RMND5A: variants seen among roughly 807,000 people sequenced by gnomAD.
RMND5A encodes required for meiotic nuclear division 5 homolog A.
In RMND5A, 17 loss-of-function variants were observed where a neutral mutation model predicts 49.7. That is an observed-to-expected ratio of 0.34 (90% confidence interval 0.23 to 0.51). The LOEUF (loss-of-function observed/expected upper bound fraction) is 0.51, where lower values mean the gene tolerates loss of function less well. Among genes scored for constraint, RMND5A ranks in the 20% least tolerant of loss-of-function variants. RMND5A has a pLI of 0.96. For missense variants in RMND5A, 255 were observed against 471.3 expected, an observed-to-expected ratio of 0.54 and a Z score of 4.25; for synonymous variants, 156 against 167.7, an observed-to-expected ratio of 0.93 and a Z score of 0.54.
At chr2:86,768,228 A>G (rs1048781011) in intron 6 of RMND5A, among the ~76,000 whole-genome samples, 1 of 152,254 alleles carries the variant, frequency 6.6e-6, no homozygotes, top group Non-Finnish European at 1.5e-5. Flanking sequence ...TCCTGAAACC[A>G]AAACATTTTA....
At chr2:86,755,765 A>G (rs1364964748) in intron 4 of RMND5A, among the ~76,000 whole-genome samples, 1 of 152,218 alleles carries the variant, frequency 6.6e-6, no homozygotes, top group Non-Finnish European at 1.5e-5. Context: ...GCCTTAAAAC[A>G]ATTCCTCTCA....
Position 86,720,738 on chromosome 2 carries a change from T to C in RMND5A, c.71T>C (p.Leu24Pro). The C allele has an allele frequency of 6.3e-7, 1 of 1,591,292 alleles. No individual in the cohort carries two copies. Among genetic ancestry groups the C allele is most frequent in the Non-Finnish European group, 8.5e-7 (1 of 1,169,814 alleles). The part of the protein sequence containing the change: ...VLHKFSGYGQ[L>P]CERGLEELID... ...CACAAGTTCTCAGGCTACGGGCAGC[T>C]GTGCGAGCGCGGCCTGGAGGAGCTC... Residue 24 changes from leucine to proline, a missense_variant, in exon 1 of 9, where the codon CTG (leucine) becomes CCG (proline). Physicochemically the swap from Leu to Pro is moderately conservative, Grantham distance 98. Coordinates refer to ENST00000283632, the MANE Select transcript of RMND5A (RefSeq NM_022780.4).
Position 86,756,172 on chromosome 2 carries a change from G to A in RMND5A, c.521+2614G>A, listed in dbSNP as rs1316297962. ...TTTGGGAAGCTGAGGTGGGCAGATC[G>A]CTTGAGCCCAGGAGTTCGAGACCAG... On this transcript the variant is annotated intron_variant, in intron 4 of 8. Transcript: ENST00000283632. Among the ~76,000 whole-genome samples, 4 of 152,020 alleles carry A rather than the reference G, an allele frequency of 2.6e-5. No homozygotes were observed. In the South Asian group the frequency reaches 8.3e-4, roughly 32 times the overall value.
At chr2:86,735,143 T>C (rs1441112780) in intron 1 of RMND5A, among the ~76,000 whole-genome samples, 6 of 152,154 alleles carry the variant, frequency 3.9e-5, no homozygotes, top group Non-Finnish European at 5.9e-5. Context: ...GGAGGTTTGG[T>C]TTCTTACCAG....
chr2:86,760,974 G>GTT (rs1672477747), intron 4 of RMND5A, among the ~76,000 whole-genome samples: 1 of 145,694 alleles, frequency 6.9e-6, no homozygotes, highest in African/African-American at 2.5e-5. Context: ...AAGTGTGTGT[G>GTT]TGTGTGTGTG....
intron 2 of RMND5A, among the ~76,000 whole-genome samples, chr2:86,743,976 T>TC (rs1238033389): frequency 7.1e-6 from 1 of 140,580 alleles, no homozygotes; most frequent in Non-Finnish European, 1.5e-5. Flanking sequence ...AGACTCCATC[T>TC]CAAAAAAAAA....
At chr2:86,766,759 G>C (rs995942941) in intron 6 of RMND5A, among the ~76,000 whole-genome samples, 10 of 151,940 alleles carry the variant, frequency 6.6e-5, no homozygotes, top group Admixed American at 5.2e-4. Flanking sequence ...AGGCTGAGGT[G>C]GGGGGAATCT....
At chr2:86,765,724 A>G (rs1265973352) in intron 5 of RMND5A, 135 bp from the exon 6 acceptor site, 1 of 691,176 alleles carries the variant, frequency 1.4e-6, no homozygotes, top group Non-Finnish European at 2.4e-6. Flanking sequence ...GAAGAAACCA[A>G]GCTTAAGGAC....
At chr2:86,754,336 G>C (rs1005092414) in intron 4 of RMND5A, among the ~76,000 whole-genome samples, 2 of 152,188 alleles carry the variant, frequency 1.3e-5, no homozygotes, top group African/African-American at 4.8e-5. Context: ...CAGGTTATTT[G>C]TAATAAATAG....
intron 4 of RMND5A, among the ~76,000 whole-genome samples, chr2:86,760,022 C>T (rs538031696): frequency 6.6e-6 from 1 of 152,090 alleles, no homozygotes; most frequent in Non-Finnish European, 1.5e-5. Flanking sequence ...CCACTGAGAT[C>T]TCTGTGTCCT....
At chr2:86,755,928 C>T (rs570735587) in intron 4 of RMND5A, among the ~76,000 whole-genome samples, 3 of 152,074 alleles carry the variant, frequency 2.0e-5, no homozygotes, top group South Asian at 4.1e-4. Context: ...AAGCATTTTA[C>T]GTGTCTTAAC....
intron 1 of RMND5A, among the ~76,000 whole-genome samples, chr2:86,736,346 G>C (rs1483334923): frequency 1.7e-5 from 2 of 116,740 alleles, no homozygotes; most frequent in East Asian, 3.0e-4. Context: ...ACCACCCCCT[G>C]CTAATTTTTG....
intron 1 of RMND5A, among the ~76,000 whole-genome samples, chr2:86,729,537 G>A (rs796906194): frequency 0.024 from 2,578 of 109,436 alleles, 1 homozygote; most frequent in African/African-American, 0.074. Flanking sequence ...TGTAATGCAC[G>A]GTTATGTATC....
rs934825931 is a variant in RMND5A at position 86,758,356 on chromosome 2, A to G, written c.521+4798A>G. 9.9e-5 allele frequency among the ~76,000 whole-genome samples: 15 copies of G among 152,010 alleles called. 1 individual carries two copies. The highest frequency in any genetic ancestry group is 7.9e-4 in the Admixed American group (12 of 15,278). On this transcript the variant is annotated intron_variant, in intron 4 of 8. Transcript: ENST00000283632. ...GAAGTATTTGCCTATATCAGAGCAT[A>G]TAGAACTATTTTTTTTTTTTGGTGG...
chr2:86,753,328 A>G (rs1310127719), intron 3 of RMND5A, 130 bp from the exon 4 acceptor site: 2 of 558,786 alleles, frequency 3.6e-6, no homozygotes, highest in Non-Finnish European at 6.3e-6. Context: ...GGGGGCAGTC[A>G]TCAGTCTCTA....
At position 86,765,169 on chromosome 2, in the gene RMND5A, C is replaced by T. The variant is rs1672569649; in HGVS notation, c.664C>T (p.Pro222Ser). ...ATTACAATATGCTAAAAATTTTCAG[C>T]CATTTGCCCTAAATCATCAAAAAGG... ...EALQYAKNFQPFALNHQKDIQ... is the reference protein window; with the variant it reads ...EALQYAKNFQSFALNHQKDIQ... The change falls in exon 5 of 9, where the codon CCA becomes TCA. Residue 222 changes from proline (P) to serine (S), a missense_variant. By Grantham distance (74) the Pro-to-Ser change is moderately conservative. This residue lies in a region of RMND5A where 208 missense variants were observed against 339.8 expected (regional missense o/e 0.61). Coordinates refer to ENST00000283632, the MANE Select transcript of RMND5A (RefSeq NM_022780.4). 2 of 1,612,316 alleles carry T rather than the reference C, an allele frequency of 1.2e-6. No individual in the cohort carries two copies. Among genetic ancestry groups the T allele is most frequent in the Admixed American group, 3.4e-5 (2 of 59,570 alleles).
chr2:86,751,760 T>C, intron 2 of RMND5A, 136 bp from the exon 3 acceptor site: 1 of 647,264 alleles, frequency 1.5e-6, no homozygotes, highest in Non-Finnish European at 2.5e-6. Context: ...GTGGAAAAAT[T>C]CCTTCCTTTG....
chr2:86,773,683 A>G lies in RMND5A; in HGVS notation c.*272A>G, dbSNP rs761115400. On this transcript the variant is annotated 3_prime_UTR_variant, in exon 9 of 9. Transcript: ENST00000283632. ...AATGCAGGTTTTTGTACTTAATTATATGGTGATTTTTTTACTTTTTAAGAG... is the reference window on the plus strand; with the variant it reads ...AATGCAGGTTTTTGTACTTAATTATGTGGTGATTTTTTTACTTTTTAAGAG... The G allele has an allele frequency of 4.1e-4, 111 of 269,186 alleles. No homozygotes were observed. The highest frequency in any genetic ancestry group is 1.3e-4 in the Non-Finnish European group (19 of 144,468). 16.7% of individuals were successfully genotyped at this position (269,186 alleles called of 1,614,324 possible). A position where few individuals can be genotyped will look rare whatever the true frequency, so the allele number is the denominator to read the frequency against.
chr2:86,774,434 G>GT lies in RMND5A; in HGVS notation c.*1028dup, dbSNP rs1385418586. 2.0e-5 allele frequency: 3 copies of GT among 152,626 alleles called. No individual in the cohort carries two copies. In the East Asian group the frequency reaches 5.8e-4, roughly 29 times the overall value. 9.5% of individuals were successfully genotyped at this position (152,626 alleles called of 1,614,324 possible). A position where few individuals can be genotyped will look rare whatever the true frequency, so the allele number is the denominator to read the frequency against. ...TCTGTAGTGCAGAACGTTTATTGCT[G>GT]TTTTTGTGTTTGAATAGTATAATGT... On this transcript the variant is annotated 3_prime_UTR_variant, in exon 9 of 9. Coordinates refer to ENST00000283632, the MANE Select transcript of RMND5A (RefSeq NM_022780.4).
Sources: gnomAD v4.1 joint callset for allele counts (sites outside exome capture counted in the v4.1 genomes callset) on GRCh38, gnomAD v4.1.1 for gene constraint, gnomAD v4.1.1 regional missense constraint, MANE v1.5 for transcripts, NCBI Gene and HGNC (gene_info 2026-07-23, HGNC 2026-07-21) for gene names.